MAP2K6: variants seen among roughly 807,000 people sequenced by gnomAD.
The protein encoded by MAP2K6 is dual specificity mitogen-activated protein kinase kinase 6.
Under a neutral mutation model 53.7 loss-of-function variants are expected in MAP2K6, and 16 were observed. The observed-to-expected ratio is 0.30, with a 90% CI of 0.20 to 0.45. The LOEUF (loss-of-function observed/expected upper bound fraction) is 0.45, where lower values mean the gene tolerates loss of function less well. Ranked by LOEUF, MAP2K6 falls within the 20% of genes least tolerant of loss-of-function variation. The pLI is 1.00. For missense variants in MAP2K6, 204 were observed against 411.9 expected, an observed-to-expected ratio of 0.50 and a Z score of 4.37; for synonymous variants, 132 against 143.1, an observed-to-expected ratio of 0.92 and a Z score of 0.55.
rs977652701 is a variant in MAP2K6, at chr17:69,551,545, C to G, written c.*9792C>G. 19 of 152,092 alleles carry G rather than the reference C, an allele frequency of 1.2e-4. No homozygotes were observed. Among genetic ancestry groups the G allele is most frequent in the African/African-American group, 2.4e-5 (1 of 41,408 alleles). 9.4% of individuals were successfully genotyped at this position (152,092 alleles called of 1,614,324 possible). On this transcript the variant is annotated 3_prime_UTR_variant, in exon 12 of 12. Coordinates refer to ENST00000590474, the MANE Select transcript of MAP2K6 (RefSeq NM_002758.4). ...AACTGTTTTAGAAAACTATATGTGCCAAAAATTTACATTGGGCAGCAGTTT... is the reference window on the plus strand; with the variant it reads ...AACTGTTTTAGAAAACTATATGTGCGAAAAATTTACATTGGGCAGCAGTTT...
chr17:69,415,577 C>T (rs1905872604), intron 1 of MAP2K6, among the ~76,000 whole-genome samples: 1 of 152,122 alleles, frequency 6.6e-6, no homozygotes, highest in East Asian at 1.9e-4. Flanking sequence ...CAGCATATCA[C>T]AAAAAAGCAG....
intron 1 of MAP2K6, among the ~76,000 whole-genome samples, chr17:69,447,451 T>A (rs1284219566): frequency 6.6e-6 from 1 of 152,122 alleles, no homozygotes; most frequent in Non-Finnish European, 1.5e-5. Flanking sequence ...GTTCAAGTGA[T>A]TCTCCAGCCT....
At chr17:69,471,473 C>G (rs1907979748) in intron 1 of MAP2K6, among the ~76,000 whole-genome samples, 1 of 152,000 alleles carries the variant, frequency 6.6e-6, no homozygotes, top group Non-Finnish European at 1.5e-5. Context: ...CTAAACAGTG[C>G]ATACATAAAG....
At chr17:69,535,924 T>A in intron 10 of MAP2K6, 191 bp from the exon 11 acceptor site, 1 of 513,176 alleles carries the variant, frequency 1.9e-6, no homozygotes, top group Non-Finnish European at 3.5e-6. Flanking sequence ...ATTTTTCCCA[T>A]TAAGGCACAA....
Position 69,461,192 on chromosome 17 carries a change from C to A in MAP2K6, c.17-44588C>A, listed in dbSNP as rs190860867. ...AGTAACTCACAGCAAATTGACTCCC[C>A]TTTCAACAAGACAGCTCTTGAAATG... On this transcript the variant is annotated intron_variant, in intron 1 of 11. Coordinates refer to ENST00000590474, the MANE Select transcript of MAP2K6 (RefSeq NM_002758.4). 1.2e-3 allele frequency among the ~76,000 whole-genome samples: 185 copies of A among 152,322 alleles called. 1 individual carries two copies. The highest frequency in any genetic ancestry group is 4.2e-3 in the African/African-American group (174 of 41,570).
rs954158692 is a variant in MAP2K6 at position 69,521,242 on chromosome 17, G to T, written c.535+142G>T. 4.7e-5 allele frequency: 29 copies of T among 623,174 alleles called. No individual in the cohort carries two copies. In the Admixed American group the frequency reaches 4.7e-4, roughly 10 times the overall value. The allele number at this position is 623,174 out of a possible 1,614,324, so 38.6% of individuals were successfully genotyped here. On this transcript the variant is annotated intron_variant, in intron 7 of 11. Transcript: ENST00000590474. ...AACTAAGGGGCTTTCCTTTGAGATT[G>T]GATAGCAAACCATATAAGTAGTATT...
At chr17:69,519,270 C>A (rs1481994937) in intron 4 of MAP2K6, 43 bp from the exon 5 acceptor site, 1 of 1,592,550 alleles carries the variant, frequency 6.3e-7, no homozygotes. Context: ...CCTGCCTCAT[C>A]CTCAGAGTAG....
chr17:69,490,093 C>G (rs1908685068), intron 1 of MAP2K6, among the ~76,000 whole-genome samples: 1 of 152,166 alleles, frequency 6.6e-6, no homozygotes, highest in South Asian at 2.1e-4. Flanking sequence ...TTTCTTTACC[C>G]TCTTGTTTCT....
chr17:69,516,193 G>T (rs1174964712), intron 2 of MAP2K6, among the ~76,000 whole-genome samples: 2 of 151,892 alleles, frequency 1.3e-5, no homozygotes, highest in African/African-American at 2.4e-5. Context: ...ATCAATGGGA[G>T]CCTTGAGCTT....
intron 1 of MAP2K6, among the ~76,000 whole-genome samples, chr17:69,505,047 G>C (rs568684780): frequency 6.8e-6 from 1 of 147,840 alleles, no homozygotes; most frequent in Non-Finnish European, 1.5e-5. Context: ...GGGTTACTAA[G>C]ATAAGGGTGA....
Position 69,543,172 on chromosome 17 carries a change from C to G in MAP2K6, c.*1419C>G, listed in dbSNP as rs1264514544. 1 of 151,978 alleles carries G rather than the reference C, an allele frequency of 6.6e-6. No individual in the cohort carries two copies. The highest frequency in any genetic ancestry group is 1.5e-5 in the Non-Finnish European group (1 of 67,990). 9.4% of individuals were successfully genotyped at this position (151,978 alleles called of 1,614,324 possible). A position where few individuals can be genotyped will look rare whatever the true frequency, so the allele number is the denominator to read the frequency against. On this transcript the variant is annotated 3_prime_UTR_variant, in exon 12 of 12. Coordinates refer to ENST00000590474, the MANE Select transcript of MAP2K6 (RefSeq NM_002758.4). ...AAGTAATTGACAGGGAAAATATAGACCTATGATAAATAACCAGGAAGCATT... is the reference window on the plus strand; with the variant it reads ...AAGTAATTGACAGGGAAAATATAGAGCTATGATAAATAACCAGGAAGCATT...
At chr17:69,433,248 A>G (rs1054263649) in intron 1 of MAP2K6, 2 of 152,232 alleles carry the variant, frequency 1.3e-5, no homozygotes, top group African/African-American at 4.8e-5. Flanking sequence ...TATGACCGAG[A>G]GAGATTATGT....
chr17:69,453,088 A>G (rs1297148583), intron 1 of MAP2K6, among the ~76,000 whole-genome samples: 2 of 152,202 alleles, frequency 1.3e-5, no homozygotes, highest in Non-Finnish European at 2.9e-5. Context: ...TTTGCTGGGA[A>G]TTACCTGATG....
At chr17:69,453,151 C>T (rs1337719548) in intron 1 of MAP2K6, among the ~76,000 whole-genome samples, 1 of 152,116 alleles carries the variant, frequency 6.6e-6, no homozygotes, top group Non-Finnish European at 1.5e-5. Flanking sequence ...GGGATAGGCA[C>T]TAGTGGGAGG....
chr17:69,466,262 C>A (rs1163400658), intron 1 of MAP2K6, among the ~76,000 whole-genome samples: 1 of 150,126 alleles, frequency 6.7e-6, no homozygotes, highest in Non-Finnish European at 1.5e-5. Flanking sequence ...ACTACTCCAG[C>A]CTGGGTGACG....
At chr17:69,529,493 A>C (rs1213943842) in intron 10 of MAP2K6, among the ~76,000 whole-genome samples, 3 of 149,632 alleles carry the variant, frequency 2.0e-5, no homozygotes, top group Admixed American at 6.7e-5. Flanking sequence ...TTGAGAAATA[A>C]ATGGTTTTTA....
Position 69,545,348 on chromosome 17 carries a change from C to T in MAP2K6, c.*3595C>T, listed in dbSNP as rs530638701. On this transcript the variant is annotated 3_prime_UTR_variant, in exon 12 of 12. Transcript: ENST00000590474. ...CACCTATCTTCTATGATTGAAGGTC[C>T]TGATGTGGGGGAATAATCTATTTTT... 6.6e-6 allele frequency: 1 copy of T among 152,232 alleles called. No homozygotes were observed. The highest frequency in any genetic ancestry group is 2.4e-5 in the African/African-American group (1 of 41,558). 9.4% of individuals were successfully genotyped at this position (152,232 alleles called of 1,614,324 possible). A position where few individuals can be genotyped will look rare whatever the true frequency, so the allele number is the denominator to read the frequency against.
intron 1 of MAP2K6, among the ~76,000 whole-genome samples, chr17:69,426,131 C>A (rs537320096): frequency 2.0e-5 from 3 of 152,312 alleles, no homozygotes; most frequent in South Asian, 2.1e-4. Context: ...GCTCAAACAT[C>A]CTCCTGTGTA....
intron 1 of MAP2K6, chr17:69,501,821 T>C (rs76797990): frequency 1.2e-4 from 19 of 152,176 alleles, no homozygotes; most frequent in African/African-American, 3.6e-4. Context: ...TTTTTTTTTT[T>C]CTGACATTTT....
Sources: gnomAD v4.1 joint callset for allele counts (sites outside exome capture counted in the v4.1 genomes callset) on GRCh38, gnomAD v4.1.1 for gene constraint, MANE v1.5 for transcripts, NCBI Gene and HGNC (gene_info 2026-07-23, HGNC 2026-07-21) for gene names.